Variants in RERE observed in about 807,000 individuals in gnomAD.
RERE encodes the protein arginine-glutamic acid dipeptide repeats protein.
In RERE, 40 loss-of-function variants were observed where a neutral mutation model predicts 146.1. The ratio of observed to expected loss-of-function variants is 0.27; its 90% CI spans 0.21 to 0.36. The LOEUF (loss-of-function observed/expected upper bound fraction) is 0.36, where lower values mean the gene tolerates loss of function less well. Among genes scored for constraint, RERE ranks in the 10% least tolerant of loss-of-function variants. The probability of loss-of-function intolerance (pLI) is 1.00; values close to 1 mark genes in which losing one functional copy is unlikely to be tolerated. For missense variants in RERE, 1,933 were observed against 2,138.7 expected (o/e 0.90, Z 1.90); for synonymous variants, 1,003 against 866.0 (o/e 1.16, Z -2.78).
chr1:8,370,381 T>C (rs1641991577), intron 12 of RERE, among the ~76,000 whole-genome samples: 1 of 152,194 alleles, frequency 6.6e-6, no homozygotes, highest in South Asian at 2.1e-4. Flanking sequence ...TCCAGGGTGA[T>C]GAAAATGCTC....
At chr1:8,501,575 G>A (rs1645157197) in intron 8 of RERE, among the ~76,000 whole-genome samples, 1 of 126,044 alleles carries the variant, frequency 7.9e-6, no homozygotes, top group Non-Finnish European at 1.7e-5. Context: ...GGGAAGTGAG[G>A]ACCCCTCTGC....
chr1:8,615,429 G>GA (rs1165448618), intron 3 of RERE, among the ~76,000 whole-genome samples: 3 of 151,574 alleles, frequency 2.0e-5, no homozygotes, highest in Non-Finnish European at 2.9e-5. Flanking sequence ...TAAAAACCAG[G>GA]AAAAAAAAGA....
intron 10 of RERE, among the ~76,000 whole-genome samples, chr1:8,486,755 T>TAG (rs1644904311): frequency 8.2e-6 from 1 of 122,350 alleles, no homozygotes; most frequent in African/African-American, 3.1e-5. Context: ...GAGTCCATCT[T>TAG]AAAAAAAAAA....
At position 8,471,833 on chromosome 1, in the gene RERE, C is replaced by CA. The variant is rs1367268083; in HGVS notation, c.1105-5811dup. Among the ~76,000 whole-genome samples, 3 of 152,150 alleles carry CA rather than the reference C, an allele frequency of 2.0e-5. No homozygotes were observed. The East Asian group carries it at 5.8e-4, about 29-fold the overall frequency. On this transcript the variant is annotated intron_variant, in intron 10 of 22. Coordinates refer to ENST00000400908, the MANE Select transcript of RERE (RefSeq NM_001042681.2). The stretch of plus-strand genomic sequence containing the variant: ...CTGCCCCAAATAACCCTTCTTAAGA[C>CA]AGAGTCTCACTCTTGTTGCCCAGGC...
chr1:8,753,843 C>G (rs1282890648), intron 1 of RERE: 2 of 152,220 alleles, frequency 1.3e-5, no homozygotes, highest in Admixed American at 6.5e-5. Flanking sequence ...AACATTTGGG[C>G]TCCACTGTAT....
chr1:8,615,357 T>C (rs1646840539), intron 3 of RERE, among the ~76,000 whole-genome samples: 1 of 152,242 alleles, frequency 6.6e-6, no homozygotes. Context: ...TTACTTATTT[T>C]TATAGGCAAA....
chr1:8,584,850 AAAG>A (rs1172488907), intron 4 of RERE, among the ~76,000 whole-genome samples: 6 of 152,162 alleles, frequency 3.9e-5, no homozygotes, highest in Non-Finnish European at 8.8e-5. Flanking sequence ...TAGATGAGAT[AAAG>A]AAGTAATTAT....
At chr1:8,457,194 A>G (rs1179713669) in intron 11 of RERE, among the ~76,000 whole-genome samples, 1 of 152,214 alleles carries the variant, frequency 6.6e-6, no homozygotes, top group Non-Finnish European at 1.5e-5. Context: ...TCACAGGAAG[A>G]GCCAAACCGA....
chr1:8,361,174 G>T lies in RERE; in HGVS notation c.2333C>A (p.Ser778Tyr). 2.1e-6 allele frequency: 3 copies of T among 1,460,442 alleles called. No homozygotes were observed. The highest frequency in any genetic ancestry group is 2.7e-5 in the Admixed American group (1 of 36,414). 90.5% of individuals were successfully genotyped at this position (1,460,442 alleles called of 1,614,324 possible). ...GTTAGGGGCCTGGGAGGCCGTGGGG[G>T]AGCCCTGTGGGGGAACTGCAGTGGC... ...PSATAVPPQG[S>Y]PTASQAPNQP... The change falls in exon 18 of 23, where the codon TCC becomes TAC. Residue 778 changes from serine to tyrosine, a missense_variant. By Grantham distance (144) the Ser-to-Tyr change is moderately radical. This residue lies in a region of RERE where 1,255 missense variants were observed against 1,153.8 expected (regional missense o/e 1.09). Transcript: ENST00000400908.
chr1:8,531,075 TTCTA>T (rs1199794240), intron 7 of RERE, among the ~76,000 whole-genome samples: 1 of 146,252 alleles, frequency 6.8e-6, no homozygotes, highest in Non-Finnish European at 1.5e-5. Flanking sequence ...CTATCTAACT[TTCTA>T]TCTATCTGTC....
At chr1:8,669,229 C>T (rs1638657881) in intron 1 of RERE, among the ~76,000 whole-genome samples, 1 of 151,930 alleles carries the variant, frequency 6.6e-6, no homozygotes, top group Non-Finnish European at 1.5e-5. Flanking sequence ...GTGTATGCCA[C>T]CACACCCGGC....
intron 4 of RERE, among the ~76,000 whole-genome samples, chr1:8,591,166 C>A (rs1409035719): frequency 6.6e-6 from 1 of 152,178 alleles, no homozygotes; most frequent in African/African-American, 2.4e-5. Context: ...CATGTCCCAG[C>A]CTCCACGGGG....
At position 8,750,925 on chromosome 1, in the gene RERE, T is replaced by G. The variant is rs1018141419; in HGVS notation, c.-145+66235A>C. On this transcript the variant is annotated intron_variant, in intron 1 of 22. Coordinates refer to ENST00000400908, the MANE Select transcript of RERE (RefSeq NM_001042681.2). Reference sequence around the variant, plus strand: ...GTTATGGCAAAATCAATAAGCAAATTGCTTTGACAGATAACGCTTTGATTG... The same window carrying G: ...GTTATGGCAAAATCAATAAGCAAATGGCTTTGACAGATAACGCTTTGATTG... 8.9e-6 allele frequency: 7 copies of G among 787,574 alleles called. No homozygotes were observed. In the African/African-American group the frequency reaches 1.0e-4, roughly 11 times the overall value. The allele number at this position is 787,574 out of a possible 1,614,324, so 48.8% of individuals were successfully genotyped here. A position where few individuals can be genotyped will look rare whatever the true frequency, so the allele number is the denominator to read the frequency against.
chr1:8,573,033 T>C (rs1646241237), intron 4 of RERE, among the ~76,000 whole-genome samples: 1 of 152,210 alleles, frequency 6.6e-6, no homozygotes, highest in Admixed American at 6.5e-5. Context: ...CTACAGGACC[T>C]AGGAGGAAAC....
At chr1:8,532,163 T>G (rs930728033) in intron 7 of RERE, among the ~76,000 whole-genome samples, 1 of 152,240 alleles carries the variant, frequency 6.6e-6, no homozygotes, top group African/African-American at 2.4e-5. Flanking sequence ...GGCATTCTTA[T>G]ATTCTATAAA....
At chr1:8,648,402 T>G (rs1647429938) in intron 2 of RERE, among the ~76,000 whole-genome samples, 2 of 152,088 alleles carry the variant, frequency 1.3e-5, no homozygotes, top group Admixed American at 1.3e-4. Flanking sequence ...CGGCTAACTT[T>G]TGTATTTTGA....
rs150994246 is a variant in RERE at position 8,630,379 on chromosome 1, A to G, written c.326-5999T>C. ...AACACTCAAAAATTATATGAGGAAC[A>G]AACAAACTAAACAGAGACATGGTTT... On this transcript the variant is annotated intron_variant, in intron 2 of 22. Coordinates refer to ENST00000400908, the MANE Select transcript of RERE (RefSeq NM_001042681.2). 8.5e-3 allele frequency among the ~76,000 whole-genome samples: 1,300 copies of G among 152,320 alleles called. 20 individuals carry two copies. The highest frequency in any genetic ancestry group is 0.029 in the African/African-American group (1,225 of 41,566).
At chr1:8,419,672 C>G (rs1293129043) in intron 12 of RERE, among the ~76,000 whole-genome samples, 1 of 152,164 alleles carries the variant, frequency 6.6e-6, no homozygotes, top group Non-Finnish European at 1.5e-5. Flanking sequence ...TTTCTATGCA[C>G]TCTTTACAAA....
chr1:8,600,428 T>C (rs897139002), intron 4 of RERE, among the ~76,000 whole-genome samples: 6 of 152,236 alleles, frequency 3.9e-5, no homozygotes, highest in African/African-American at 1.4e-4. Flanking sequence ...CCAACTTGTT[T>C]GTTAAGAAAT....
Sources: allele counts gnomAD v4.1 joint callset (sites outside exome capture counted in the v4.1 genomes callset), GRCh38; gene constraint gnomAD v4.1.1; regional missense constraint gnomAD v4.1.1; transcripts MANE v1.5; gene names NCBI Gene and HGNC (gene_info 2026-07-23, HGNC 2026-07-21).